Variants in ALKBH8 observed in about 807,000 individuals in gnomAD.
ALKBH8 encodes the protein alkB homolog 8, tRNA methyltransferase.
A neutral mutation model predicts 59.8 loss-of-function variants in ALKBH8; 36 were observed. The ratio of observed to expected loss-of-function variants is 0.60; its 90% CI spans 0.46 to 0.79. The LOEUF (loss-of-function observed/expected upper bound fraction) is 0.79, where lower values mean the gene tolerates loss of function less well. Ranked by LOEUF, ALKBH8 falls within the 30% of genes least tolerant of loss-of-function variation. ALKBH8 has a pLI of 0.00. For missense variants in ALKBH8, 768 were observed against 801.0 expected (o/e 0.96, Z 0.50); for synonymous variants, 276 against 273.6 (o/e 1.01, Z -0.09).
At chr11:107,560,732 T>C (rs1565352065) in intron 2 of ALKBH8, 33 bp downstream of exon 2, 2 of 1,571,414 alleles carry the variant, frequency 1.3e-6, no homozygotes, top group Admixed American at 3.8e-5. Flanking sequence ...TCAGTACATT[T>C]ACATTCTAAT....
chr11:107,556,990 G>A lies in ALKBH8; in HGVS notation c.143C>T (p.Ala48Val). The change falls in exon 3 of 12, where the codon GCC becomes GTC. Residue 48 changes from alanine (A) to valine (V), a missense_variant. Physicochemically the swap from Ala to Val is moderately conservative, Grantham distance 64 (BLOSUM62 0). Transcript: ENST00000428149. ...CACACCATTACCCAAACCACCATTG[G>A]CAACAACCAGGCTCTTAAAAAACAA... ...VSYATQSLVV[A>V]NGGLGNGVSR... 6.3e-7 allele frequency: 1 copy of A among 1,577,740 alleles called. No homozygotes were observed. The highest frequency in any genetic ancestry group is 1.2e-5 in the South Asian group (1 of 84,344).
chr11:107,524,484 A>G (rs905220022), intron 9 of ALKBH8, among the ~76,000 whole-genome samples: 6 of 152,172 alleles, frequency 3.9e-5, no homozygotes, highest in South Asian at 2.1e-4. Context: ...CTCCAACTAC[A>G]CTTTAAGTTC....
At chr11:107,512,485 T>C (rs893916258) in intron 10 of ALKBH8, among the ~76,000 whole-genome samples, 5 of 151,972 alleles carry the variant, frequency 3.3e-5, no homozygotes, top group African/African-American at 1.2e-4. Context: ...AGCATTTGTT[T>C]TATTTTTTGT....
At position 107,538,907 on chromosome 11, in the gene ALKBH8, G is replaced by A. The variant is rs764096870; in HGVS notation, c.772-6501C>T. Among the ~76,000 whole-genome samples the A allele has an allele frequency of 7.9e-4, 120 of 152,128 alleles. 1 individual carries two copies. The highest frequency in any genetic ancestry group is 1.6e-3 in the Non-Finnish European group (108 of 68,018). On this transcript the variant is annotated intron_variant, in intron 7 of 11. Transcript: ENST00000428149. ...CAGGGGACAATATGATGTGAAAAACGATGTGTGATTCATAGAGAATGATAA... is the reference window on the plus strand; with the variant it reads ...CAGGGGACAATATGATGTGAAAAACAATGTGTGATTCATAGAGAATGATAA...
intron 11 of ALKBH8, among the ~76,000 whole-genome samples, chr11:107,507,329 T>C (rs536769417): frequency 5.9e-5 from 9 of 151,968 alleles, no homozygotes; most frequent in Non-Finnish European, 1.0e-4. Flanking sequence ...GGAAATAATC[T>C]CAGGTTATAT....
At chr11:107,543,033 T>C (rs1300823857) in intron 7 of ALKBH8, among the ~76,000 whole-genome samples, 4 of 152,176 alleles carry the variant, frequency 2.6e-5, no homozygotes, top group Non-Finnish European at 5.9e-5. Context: ...GGACGGTGAA[T>C]CGCTGAAAAC....
At chr11:107,533,463 T>C (rs1150195) in intron 7 of ALKBH8, among the ~76,000 whole-genome samples, 6,413 of 152,216 alleles carry the variant, frequency 0.042, 465 homozygotes, top group African/African-American at 0.15. Flanking sequence ...TAAAAAAGTA[T>C]ACAGAGCTAA....
At chr11:107,561,432 A>G (rs763005066) in intron 1 of ALKBH8, among the ~76,000 whole-genome samples, 1 of 152,146 alleles carries the variant, frequency 6.6e-6, no homozygotes, top group Non-Finnish European at 1.5e-5. Context: ...GAGAGAGGCT[A>G]TTTCTGTGGG....
At chr11:107,520,940 G>C (rs183965932) in intron 10 of ALKBH8, among the ~76,000 whole-genome samples, 192 of 152,032 alleles carry the variant, frequency 1.3e-3, no homozygotes, top group Middle Eastern at 6.8e-3. Context: ...CTTTTTTCTT[G>C]TCATTAGTCC....
rs776669210 is a variant in ALKBH8, at chr11:107,553,148, A to C, written c.555T>G (p.Tyr185Ter). The C allele has an allele frequency of 1.2e-6, 2 of 1,610,184 alleles. No homozygotes were observed. Among genetic ancestry groups the C allele is most frequent in the South Asian group, 2.2e-5 (2 of 90,474 alleles). Reference protein sequence around the residue: ...RVKHFGYEFHYENNNVDKDKP... With the variant: ...RVKHFGYEFH ...TATCTTTATCTACATTGTTGTTCTC[A>C]TAGTGGAACTCATAACCAAAATGCT... Residue 185 changes from tyrosine (Y) to a stop codon, truncating the protein, a stop_gained, in exon 5 of 12, where the codon TAT (tyrosine) becomes TAG (stop). Transcript: ENST00000428149. LOFTEE classifies it high-confidence loss of function.
At chr11:107,544,544 T>C (rs897726878) in intron 7 of ALKBH8, among the ~76,000 whole-genome samples, 1 of 152,004 alleles carries the variant, frequency 6.6e-6, no homozygotes, top group Non-Finnish European at 1.5e-5. Context: ...AAGTGAAAAA[T>C]AGAATTCAAT....
At chr11:107,558,022 G>T (rs1265885305) in intron 2 of ALKBH8, among the ~76,000 whole-genome samples, 1 of 152,066 alleles carries the variant, frequency 6.6e-6, no homozygotes, top group South Asian at 2.1e-4. Context: ...TTTTAGGCTT[G>T]GCAGGCCATA....
chr11:107,543,523 T>C (rs2135551961), intron 7 of ALKBH8, among the ~76,000 whole-genome samples: 1 of 152,326 alleles, frequency 6.6e-6, no homozygotes, highest in East Asian at 1.9e-4. Flanking sequence ...ACCCATGCCC[T>C]GAATATTTGT....
In ALKBH8 at chr11:107,525,853, T is replaced by TA. The variant is rs148914266; in HGVS notation, c.879-262dup. On this transcript the variant is annotated intron_variant, in intron 8 of 11. Coordinates refer to ENST00000428149, the MANE Select transcript of ALKBH8 (RefSeq NM_138775.3). ...ATAAATATTTAATTAACACCAATTC[T>TA]AAAAAAAACAAAAAAGAACAGATGA... Among the ~76,000 whole-genome samples, 7 of 151,122 alleles carry TA rather than the reference T, an allele frequency of 4.6e-5. No homozygotes were observed. In the East Asian group the frequency reaches 5.8e-4, roughly 13 times the overall value.
Position 107,553,198 on chromosome 11 carries a change from T to G in ALKBH8, c.505A>C (p.Lys169Gln). ...TTTACTCTTCTGTGTTTTAAGGATT[T>G]TTGAGCTGTGTGAAGAGAACAAAGT... ...TEDTDNQNSQKSLKHRRVKHF... is the reference protein window; with the variant it reads ...TEDTDNQNSQQSLKHRRVKHF... Residue 169 changes from lysine to glutamine, a missense_variant, in exon 5 of 12, where the codon AAA (lysine) becomes CAA (glutamine). Coordinates refer to ENST00000428149, the MANE Select transcript of ALKBH8 (RefSeq NM_138775.3). 6.2e-7 allele frequency: 1 copy of G among 1,602,054 alleles called. No homozygotes were observed. Among genetic ancestry groups the G allele is most frequent in the East Asian group, 2.3e-5 (1 of 44,434 alleles).
At position 107,525,437 on chromosome 11, in the gene ALKBH8, T is replaced by C. The variant is rs1279449751; in HGVS notation, c.1030+4A>G. ...TTACAGACGAGATAAGAGTATATAC[T>C]TACTACAGTTACAAGGTGTTTGCCT... On this transcript the variant is annotated splice_donor_region_variant and intron_variant, in intron 9 of 11. Transcript: ENST00000428149. 1 of 1,543,938 alleles carries C rather than the reference T, an allele frequency of 6.5e-7. No individual in the cohort carries two copies. Among genetic ancestry groups the C allele is most frequent in the Admixed American group, 2.0e-5 (1 of 49,474 alleles).
At chr11:107,517,742 A>G (rs1248114460) in intron 10 of ALKBH8, among the ~76,000 whole-genome samples, 2 of 152,240 alleles carry the variant, frequency 1.3e-5, no homozygotes, top group African/African-American at 4.8e-5. Flanking sequence ...AACAGTAGCT[A>G]CCAGGGACTG....
chr11:107,540,377 A>G (rs1361754478), intron 7 of ALKBH8, among the ~76,000 whole-genome samples: 2 of 152,200 alleles, frequency 1.3e-5, no homozygotes, highest in Non-Finnish European at 2.9e-5. Flanking sequence ...CCAAATACAG[A>G]TGGCTTTGAA....
chr11:107,504,375 T>G lies in ALKBH8; in HGVS notation c.*283A>C. On this transcript the variant is annotated 3_prime_UTR_variant, in exon 12 of 12. Coordinates refer to ENST00000428149, the MANE Select transcript of ALKBH8 (RefSeq NM_138775.3). Reference sequence around the variant, plus strand: ...TAAAAAACTATTATCTTCAAAATCCTGGGCTCTTACCCAAGAATTACAAAC... The same window carrying G: ...TAAAAAACTATTATCTTCAAAATCCGGGGCTCTTACCCAAGAATTACAAAC... The G allele has an allele frequency of 1.7e-6, 1 of 578,208 alleles. No individual in the cohort carries two copies. Among genetic ancestry groups the G allele is most frequent in the Non-Finnish European group, 3.0e-6 (1 of 330,418 alleles). The allele number at this position is 578,208 out of a possible 1,614,324, so 35.8% of individuals were successfully genotyped here.
Sources: allele counts gnomAD v4.1 joint callset (sites outside exome capture counted in the v4.1 genomes callset), GRCh38; gene constraint gnomAD v4.1.1; transcripts MANE v1.5; gene names NCBI Gene and HGNC (gene_info 2026-07-23, HGNC 2026-07-21).